Variants in PLCB1 observed in about 807,000 individuals in gnomAD.
PLCB1 encodes 1-phosphatidylinositol 4,5-bisphosphate phosphodiesterase beta-1.
A neutral mutation model predicts 161.8 loss-of-function variants in PLCB1; 46 were observed. The ratio of observed to expected loss-of-function variants is 0.28; its 90% CI spans 0.22 to 0.36. PLCB1 has a LOEUF of 0.36. Ranked by LOEUF, PLCB1 falls within the 10% of genes least tolerant of loss-of-function variation. The pLI is 1.00. For missense variants in PLCB1, 1,016 were observed against 1,472.5 expected, an observed-to-expected ratio of 0.69 and a Z score of 5.07; for synonymous variants, 517 against 503.7, an observed-to-expected ratio of 1.03 and a Z score of -0.35.
chr20:8,479,944 G>A (rs936495065), intron 3 of PLCB1, among the ~76,000 whole-genome samples: 2 of 152,172 alleles, frequency 1.3e-5, no homozygotes, highest in Admixed American at 6.5e-5. Context: ...CTAGGTATGG[G>A]ATTTCCTTGA....
At chr20:8,531,390 ATTTACT>A (rs1165208864) in intron 3 of PLCB1, among the ~76,000 whole-genome samples, 2 of 152,126 alleles carry the variant, frequency 1.3e-5, no homozygotes, top group African/African-American at 4.8e-5. Flanking sequence ...GATTAAATAC[ATTTACT>A]TTTTGAACAA....
At chr20:8,577,823 T>A (rs1986723334) in intron 3 of PLCB1, among the ~76,000 whole-genome samples, 1 of 152,196 alleles carries the variant, frequency 6.6e-6, no homozygotes, top group South Asian at 2.1e-4. Context: ...TTTTCAATGT[T>A]AAAATGCCAA....
chr20:8,350,588 T>C (rs557979958), intron 2 of PLCB1, among the ~76,000 whole-genome samples: 10 of 152,348 alleles, frequency 6.6e-5, no homozygotes, highest in Admixed American at 6.5e-4. Context: ...ATGATTTATA[T>C]TCCTTTGGGT....
At chr20:8,328,462 G>GTTGTTTT (rs1402106700) in intron 2 of PLCB1, among the ~76,000 whole-genome samples, 1 of 151,792 alleles carries the variant, frequency 6.6e-6, no homozygotes, top group African/African-American at 2.4e-5. Flanking sequence ...CATATGACTA[G>GTTGTTTT]TTGTTTTTTG....
At chr20:8,535,906 G>A (rs926698729) in intron 3 of PLCB1, among the ~76,000 whole-genome samples, 10 of 152,028 alleles carry the variant, frequency 6.6e-5, no homozygotes, top group Admixed American at 3.3e-4. Context: ...AGGCCCTTAC[G>A]GAGGCTGTAA....
chr20:8,438,626 A>T (rs568537233), intron 3 of PLCB1, among the ~76,000 whole-genome samples: 1 of 152,320 alleles, frequency 6.6e-6, no homozygotes, highest in African/African-American at 2.4e-5. Context: ...GTTGTCTCTT[A>T]GCCACAATGT....
chr20:8,453,194 G>A (rs1018420895), intron 3 of PLCB1, among the ~76,000 whole-genome samples: 29 of 152,158 alleles, frequency 1.9e-4, no homozygotes, highest in Admixed American at 1.7e-3. Context: ...AGAGGCCCCC[G>A]GCCATGAGTC....
At chr20:8,531,331 A>C (rs1414869810) in intron 3 of PLCB1, among the ~76,000 whole-genome samples, 1 of 152,168 alleles carries the variant, frequency 6.6e-6, no homozygotes, top group African/African-American at 2.4e-5. Context: ...AAGAGTGAGT[A>C]TAATTAGTAC....
intron 3 of PLCB1, among the ~76,000 whole-genome samples, chr20:8,580,731 G>A (rs547549258): frequency 4.6e-5 from 7 of 152,334 alleles, no homozygotes; most frequent in African/African-American, 1.4e-4. Flanking sequence ...AGTTTAATGA[G>A]CACAAATTAT....
chr20:8,618,792 C>T (rs560369986), intron 3 of PLCB1, among the ~76,000 whole-genome samples: 2 of 152,176 alleles, frequency 1.3e-5, no homozygotes, highest in South Asian at 4.2e-4. Context: ...ACTAGTTATT[C>T]CTTATAAAAG....
At chr20:8,362,515 G>A (rs963176668) in intron 2 of PLCB1, among the ~76,000 whole-genome samples, 2 of 152,024 alleles carry the variant, frequency 1.3e-5, no homozygotes, top group African/African-American at 2.4e-5. Flanking sequence ...ATAAAGCCGT[G>A]GTGCTATACA....
chr20:8,408,446 GGAAA>G (rs1269170367), intron 3 of PLCB1, among the ~76,000 whole-genome samples: 4 of 149,604 alleles, frequency 2.7e-5, no homozygotes, highest in Non-Finnish European at 5.9e-5. Context: ...AGAAAGAAAA[GGAAA>G]GAAAGAAAGA....
intron 8 of PLCB1, among the ~76,000 whole-genome samples, chr20:8,658,322 T>C (rs1317592923): frequency 6.6e-6 from 1 of 152,128 alleles, no homozygotes; most frequent in Admixed American, 6.6e-5. Flanking sequence ...TGCAAGAGCA[T>C]TGGGTTTTAG....
intron 2 of PLCB1, among the ~76,000 whole-genome samples, chr20:8,344,816 C>A (rs1309226605): frequency 6.6e-6 from 1 of 152,184 alleles, no homozygotes; most frequent in Non-Finnish European, 1.5e-5. Context: ...AAGGAAAGTG[C>A]ATGAGGGAGC....
intron 3 of PLCB1, among the ~76,000 whole-genome samples, chr20:8,373,290 T>C (rs6118182): frequency 0.027 from 4,165 of 152,200 alleles, 201 homozygotes; most frequent in African/African-American, 0.094. Flanking sequence ...AACCTCACTC[T>C]CCTCTAATAT....
chr20:8,527,901 A>G (rs992283457), intron 3 of PLCB1, among the ~76,000 whole-genome samples: 3 of 152,128 alleles, frequency 2.0e-5, no homozygotes, highest in Non-Finnish European at 2.9e-5. Flanking sequence ...TAGTTTCTCT[A>G]TTGAATATTC....
At chr20:8,476,800 T>A (rs1247918706) in intron 3 of PLCB1, among the ~76,000 whole-genome samples, 1 of 152,130 alleles carries the variant, frequency 6.6e-6, no homozygotes, top group Non-Finnish European at 1.5e-5. Context: ...TTAGGATGGC[T>A]TTTTTGTGTG....
intron 27 of PLCB1, among the ~76,000 whole-genome samples, chr20:8,782,660 T>G (rs74721742): frequency 0.039 from 5,927 of 152,278 alleles, 162 homozygotes; most frequent in Non-Finnish European, 0.06. Context: ...GTTTTCAAAT[T>G]GTTGGTGATG....
At chr20:8,879,405 A>G (rs1987895187) in intron 31 of PLCB1, among the ~76,000 whole-genome samples, 2 of 152,142 alleles carry the variant, frequency 1.3e-5, no homozygotes, top group African/African-American at 4.8e-5. Context: ...TAGAAAGGCA[A>G]TGTGATGCAT....
Sources: gnomAD v4.1 joint callset for allele counts (sites outside exome capture counted in the v4.1 genomes callset) on GRCh38, gnomAD v4.1.1 for gene constraint, MANE v1.5 for transcripts, NCBI Gene and HGNC (gene_info 2026-07-23, HGNC 2026-07-21) for gene names.